The following FSIP1 variants were observed in gnomAD, a reference collection of about 807,000 sequenced individuals.
The protein encoded by FSIP1 is fibrous sheath interacting protein 1.
FSIP1 carries 65 observed loss-of-function variants against 60.9 expected under a neutral mutation model. That is an observed-to-expected ratio of 1.07 (90% CI 0.87 to 1.31). The LOEUF (loss-of-function observed/expected upper bound fraction) is 1.31. FSIP1 is among the 40% of genes most tolerant of loss of function. The probability of loss-of-function intolerance (pLI) is 0.00; values close to 1 mark genes in which losing one functional copy is unlikely to be tolerated. For missense variants in FSIP1, 675 were observed against 665.5 expected (o/e 1.01, Z -0.16); for synonymous variants, 209 against 221.2 (o/e 0.94, Z 0.49).
chr15:39,676,794 TA>T (rs143929964), intron 10 of FSIP1, among the ~76,000 whole-genome samples: 4,904 of 152,280 alleles, frequency 0.032, 253 homozygotes, highest in African/African-American at 0.11. Context: ...GGAGAATCTG[TA>T]AAATTAAATG....
chr15:39,703,275 C>T (rs1895134449), intron 10 of FSIP1, among the ~76,000 whole-genome samples: 1 of 152,146 alleles, frequency 6.6e-6, no homozygotes. Context: ...AGCCACCGTG[C>T]CCAGCTCATA....
intron 10 of FSIP1, among the ~76,000 whole-genome samples, chr15:39,679,597 G>A (rs973165764): frequency 5.3e-5 from 8 of 152,060 alleles, no homozygotes; most frequent in African/African-American, 1.9e-4. Flanking sequence ...ATGAAACCCT[G>A]TCTCTGAAAA....
At chr15:39,612,682 A>C (rs1891078731) in intron 11 of FSIP1, among the ~76,000 whole-genome samples, 1 of 152,130 alleles carries the variant, frequency 6.6e-6, no homozygotes, top group Admixed American at 6.5e-5. Context: ...AACAATAGAA[A>C]AAATCAACAA....
chr15:39,647,178 T>C (rs1871378528), intron 10 of FSIP1, among the ~76,000 whole-genome samples: 1 of 152,214 alleles, frequency 6.6e-6, no homozygotes, highest in South Asian at 2.1e-4. Flanking sequence ...TCTGGAGGTC[T>C]AACATACAAC....
intron 10 of FSIP1, among the ~76,000 whole-genome samples, chr15:39,625,127 C>T (rs1000995965): frequency 6.6e-6 from 1 of 152,164 alleles, no homozygotes; most frequent in African/African-American, 2.4e-5. Context: ...CCCAAACAGC[C>T]GGGTGAGGCA....
chr15:39,700,243 C>T (rs1895001578), intron 10 of FSIP1, among the ~76,000 whole-genome samples: 1 of 152,212 alleles, frequency 6.6e-6, no homozygotes, highest in Non-Finnish European at 1.5e-5. Flanking sequence ...TGAAACCCTA[C>T]TCATTCCTCA....
intron 10 of FSIP1, among the ~76,000 whole-genome samples, chr15:39,694,384 A>G (rs565175651): frequency 1.8e-4 from 28 of 152,220 alleles, no homozygotes; most frequent in Non-Finnish European, 3.8e-4. Flanking sequence ...GATGGCTAAA[A>G]CCAGCAAGCA....
At chr15:39,694,242 T>C (rs1369369154) in intron 10 of FSIP1, among the ~76,000 whole-genome samples, 2 of 152,168 alleles carry the variant, frequency 1.3e-5, no homozygotes, top group Non-Finnish European at 2.9e-5. Flanking sequence ...CCTTGAAATC[T>C]AATTGCATTT....
intron 10 of FSIP1, among the ~76,000 whole-genome samples, chr15:39,656,726 A>T (rs1172595665): frequency 6.6e-6 from 1 of 152,270 alleles, no homozygotes; most frequent in Admixed American, 6.5e-5. Context: ...TGCAAAAGAC[A>T]ACAGAAGTTT....
chr15:39,779,451 A>G (rs2140741584), intron 1 of FSIP1, among the ~76,000 whole-genome samples: 1 of 152,326 alleles, frequency 6.6e-6, no homozygotes, highest in Non-Finnish European at 1.5e-5. Context: ...TTCATTTATT[A>G]TAGAAAGATC....
intron 10 of FSIP1, among the ~76,000 whole-genome samples, chr15:39,708,154 A>T (rs1895354288): frequency 6.6e-6 from 1 of 152,180 alleles, no homozygotes; most frequent in Non-Finnish European, 1.5e-5. Context: ...ATCCATGGCT[A>T]AAGCCACTAC....
At chr15:39,753,321 T>C (rs987691672) in intron 5 of FSIP1, among the ~76,000 whole-genome samples, 4 of 152,104 alleles carry the variant, frequency 2.6e-5, no homozygotes, top group African/African-American at 9.7e-5. Context: ...GCCATCCCCA[T>C]TCATTTTATG....
In FSIP1 at chr15:39,670,196, T is replaced by C. The variant is rs570019130; in HGVS notation, c.1188+43248A>G. On this transcript the variant is annotated intron_variant, in intron 10 of 11. Coordinates refer to ENST00000350221, the MANE Select transcript of FSIP1 (RefSeq NM_152597.5). ...ATATGACCACTGAATCAGATATGCA[T>C]AGAGCCCAAAAGGTCCTTTCATTCA... Among the ~76,000 whole-genome samples, 3 of 152,328 alleles carry C rather than the reference T, an allele frequency of 2.0e-5. No homozygotes were observed. The South Asian group carries it at 6.2e-4, about 32-fold the overall frequency.
intron 10 of FSIP1, among the ~76,000 whole-genome samples, chr15:39,702,235 G>A (rs1386454027): frequency 6.6e-6 from 1 of 150,472 alleles, no homozygotes; most frequent in Admixed American, 6.6e-5. Context: ...ACCCTGTCTT[G>A]GGCTCTGTTT....
intron 10 of FSIP1, among the ~76,000 whole-genome samples, chr15:39,651,990 C>A (rs1217351066): frequency 6.6e-6 from 1 of 152,194 alleles, no homozygotes; most frequent in East Asian, 1.9e-4. Flanking sequence ...ATTCTTGACA[C>A]ACAGATTGGA....
intron 10 of FSIP1, among the ~76,000 whole-genome samples, chr15:39,662,637 C>T (rs561478063): frequency 5.9e-5 from 9 of 152,092 alleles, no homozygotes; most frequent in Admixed American, 3.3e-4. Context: ...AAATCGACTT[C>T]CTTCTGCCTC....
intron 3 of FSIP1, among the ~76,000 whole-genome samples, chr15:39,769,934 G>T (rs918414147): frequency 6.6e-6 from 1 of 152,048 alleles, no homozygotes; most frequent in Non-Finnish European, 1.5e-5. Context: ...CCCCTGCAAG[G>T]GTCTCAGGGA....
chr15:39,702,223 T>C (rs1403420935), intron 10 of FSIP1, among the ~76,000 whole-genome samples: 2 of 151,080 alleles, frequency 1.3e-5, no homozygotes, highest in African/African-American at 4.9e-5. Context: ...GACTTGACCT[T>C]TACCCTGTCT....
chr15:39,701,508 G>A (rs947764324), intron 10 of FSIP1, among the ~76,000 whole-genome samples: 6 of 152,080 alleles, frequency 3.9e-5, no homozygotes, highest in African/African-American at 1.4e-4. Context: ...GAGGGATGGT[G>A]CAAAGCTTTA....
Sources: allele counts gnomAD v4.1 joint callset (sites outside exome capture counted in the v4.1 genomes callset), GRCh38; gene constraint gnomAD v4.1.1; transcripts MANE v1.5; gene names NCBI Gene and HGNC (gene_info 2026-07-23, HGNC 2026-07-21).